LNX1: variants seen among roughly 807,000 people sequenced by gnomAD.
LNX1 encodes the protein E3 ubiquitin-protein ligase LNX.
Under a neutral mutation model 68.4 loss-of-function variants are expected in LNX1, and 54 were observed. The ratio of observed to expected loss-of-function variants is 0.79; its 90% confidence interval spans 0.63 to 0.99. LNX1 has a LOEUF of 0.99. LNX1 is among the 50% of genes least tolerant of loss of function. The pLI, the probability that LNX1 is intolerant of heterozygous loss-of-function variation, is 0.00. For synonymous variants in LNX1, 336 were observed against 350.0 expected, an observed-to-expected ratio of 0.96 and a Z score of 0.45; for missense variants, 906 against 926.4, an observed-to-expected ratio of 0.98 and a Z score of 0.29.
At chr4:53,553,616 G>A (rs1195257950) in intron 2 of LNX1, among the ~76,000 whole-genome samples, 1 of 152,124 alleles carries the variant, frequency 6.6e-6, no homozygotes, top group Non-Finnish European at 1.5e-5. Context: ...GATTCCCTTT[G>A]GGGTCTAGGA....
In LNX1 at chr4:53,498,673, C is replaced by T. The variant is rs762846749; in HGVS notation, c.946G>A (p.Gly316Ser). ...IYRDGVIARD[G>S]RLLPGDIILK... ...ATGATGTCTCCTGGCAGTAGCCGGC[C>T]GTCTCTGGCGATCACCCCATCACGA... Residue 316 changes from glycine (G) to serine (S), a missense_variant, in exon 5 of 11, where the codon GGC becomes AGC. Transcript: ENST00000263925. 17 of 1,613,926 alleles carry T rather than the reference C, an allele frequency of 1.1e-5. No homozygotes were observed. The highest frequency in any genetic ancestry group is 4.5e-5 in the East Asian group (2 of 44,884).
chr4:53,515,208 C>T (rs990059097), intron 2 of LNX1, among the ~76,000 whole-genome samples: 5 of 152,292 alleles, frequency 3.3e-5, no homozygotes, highest in African/African-American at 1.2e-4. Flanking sequence ...CTCATGGAGT[C>T]CCACATCACT....
intron 2 of LNX1, among the ~76,000 whole-genome samples, chr4:53,526,136 C>T (rs1014181916): frequency 4.6e-5 from 7 of 152,116 alleles, no homozygotes; most frequent in South Asian, 2.1e-4. Flanking sequence ...AGATAACATA[C>T]GCCACGTTCA....
Position 53,508,087 on chromosome 4 carries a change from G to A in LNX1, c.521C>T (p.Thr174Ile). The change falls in exon 3 of 11, where the codon ACA becomes ATA. Residue 174 changes from threonine to isoleucine, a missense_variant. Physicochemically the swap from Thr to Ile is moderately conservative, Grantham distance 89 (BLOSUM62 -1). Transcript: ENST00000263925. ...AGGGTTGTCTAGGCCAGGCTCGTCT[G>A]TCATTAAGGAGATGGTGGCAGCTGC... ...VSAAATISLM[T>I]DEPGLDNPAY... 6.2e-7 allele frequency: 1 copy of A among 1,614,170 alleles called. No homozygotes were observed. Among genetic ancestry groups the A allele is most frequent in the Non-Finnish European group, 8.5e-7 (1 of 1,180,028 alleles).
At chr4:53,627,768 C>T (rs2616422) in intron 1 of LNX1, among the ~76,000 whole-genome samples, 50,305 of 152,100 alleles carry the variant, frequency 0.33, 8,677 homozygotes, top group Admixed American at 0.39. Context: ...ACCTGCTAAC[C>T]CTCTATTGAC....
rs866452801 is a variant in LNX1, at chr4:53,552,153, G to T, written c.380+21470C>A. ...CATTTCCTGGCTTCCTGGGAAGTCA[G>T]TCACGCAGCTAGTGGCACCAGTTTC... On this transcript the variant is annotated intron_variant, in intron 2 of 10. Transcript: ENST00000263925. Among the ~76,000 whole-genome samples, 3 of 152,212 alleles carry T rather than the reference G, an allele frequency of 2.0e-5. No individual in the cohort carries two copies. The South Asian group carries it at 6.2e-4, about 32-fold the overall frequency.
At chr4:53,472,963 G>A (rs1560614798) in intron 9 of LNX1, among the ~76,000 whole-genome samples, 1 of 152,188 alleles carries the variant, frequency 6.6e-6, no homozygotes, top group Non-Finnish European at 1.5e-5. Context: ...TGCTGGCCAA[G>A]TAGAAAGAAG....
intron 2 of LNX1, among the ~76,000 whole-genome samples, chr4:53,534,536 G>A (rs1303081972): frequency 6.6e-6 from 1 of 152,170 alleles, no homozygotes; most frequent in Non-Finnish European, 1.5e-5. Flanking sequence ...CAGCTATTCA[G>A]AAGGCTGAGG....
chr4:53,632,768 A>G (rs1478875253), intron 1 of LNX1, among the ~76,000 whole-genome samples: 1 of 152,208 alleles, frequency 6.6e-6, no homozygotes, highest in Admixed American at 6.5e-5. Context: ...GGAAGAGGAA[A>G]AGAGGCCTCT....
chr4:53,506,194 T>C (rs1248708419), intron 4 of LNX1, among the ~76,000 whole-genome samples: 1 of 152,202 alleles, frequency 6.6e-6, no homozygotes, highest in African/African-American at 2.4e-5. Flanking sequence ...TTTAGCTGGG[T>C]GACTGGGCTA....
chr4:53,492,792 G>T (rs1016207298), intron 6 of LNX1, among the ~76,000 whole-genome samples: 2 of 152,088 alleles, frequency 1.3e-5, no homozygotes, highest in Non-Finnish European at 2.9e-5. Context: ...AGCACGTTGG[G>T]CAAGGGGTGG....
intron 2 of LNX1, among the ~76,000 whole-genome samples, chr4:53,559,940 T>G (rs1360342441): frequency 6.6e-6 from 1 of 152,070 alleles, no homozygotes; most frequent in African/African-American, 2.4e-5. Context: ...GGATTACAGG[T>G]GCAAGCCACT....
intron 6 of LNX1, among the ~76,000 whole-genome samples, chr4:53,483,228 G>GT (rs1437154267): frequency 6.6e-6 from 1 of 152,154 alleles, no homozygotes; most frequent in African/African-American, 2.4e-5. Flanking sequence ...CTGCCACCAT[G>GT]TAAGACATCC....
In LNX1 at chr4:53,498,627, G is replaced by A. The variant is rs748392876; in HGVS notation, c.978+14C>T. 3 of 1,607,854 alleles carry A rather than the reference G, an allele frequency of 1.9e-6. No individual in the cohort carries two copies. Among genetic ancestry groups the A allele is most frequent in the African/African-American group, 2.7e-5 (2 of 74,782 alleles). On this transcript the variant is annotated intron_variant, in intron 5 of 10. Transcript: ENST00000263925. ...TCAAGCCCCTTGCTGCAGCCCCACA[G>A]CCACAGTCTCTACCTTTAGAATGAT...
intron 1 of LNX1, among the ~76,000 whole-genome samples, chr4:53,645,139 C>T (rs1370982849): frequency 2.0e-5 from 3 of 152,154 alleles, no homozygotes; most frequent in Non-Finnish European, 4.4e-5. Context: ...TGTTTTTCTC[C>T]TGGGGCAGGA....
chr4:53,483,102 G>A (rs1435102248), intron 6 of LNX1, among the ~76,000 whole-genome samples: 1 of 152,160 alleles, frequency 6.6e-6, no homozygotes, highest in Middle Eastern at 3.2e-3. Context: ...GGAGGGACCT[G>A]GCAGGAGGTA....
intron 7 of LNX1, among the ~76,000 whole-genome samples, chr4:53,480,359 G>A (rs2033050879): frequency 6.6e-6 from 1 of 152,176 alleles, no homozygotes; most frequent in Non-Finnish European, 1.5e-5. Flanking sequence ...TCATGATGAG[G>A]AGGTGGAAGG....
At chr4:53,625,666 G>A (rs1734043694) in intron 1 of LNX1, among the ~76,000 whole-genome samples, 1 of 152,092 alleles carries the variant, frequency 6.6e-6, no homozygotes, top group African/African-American at 2.4e-5. Flanking sequence ...AAATAGCTGG[G>A]TGTGATGGCA....
At chr4:53,648,795 C>T (rs1328519792) in intron 1 of LNX1, among the ~76,000 whole-genome samples, 1 of 152,164 alleles carries the variant, frequency 6.6e-6, no homozygotes, top group East Asian at 1.9e-4. Context: ...CAGTCCTGCC[C>T]TTCCATCCCC....
Sources: allele counts gnomAD v4.1 joint callset (sites outside exome capture counted in the v4.1 genomes callset), GRCh38; gene constraint gnomAD v4.1.1; transcripts MANE v1.5; gene names NCBI Gene and HGNC (gene_info 2026-07-23, HGNC 2026-07-21).